LYST: variants seen among roughly 807,000 people sequenced by gnomAD.
The protein encoded by LYST is lysosomal-trafficking regulator.
A neutral mutation model predicts 413.6 loss-of-function variants in LYST; 192 were observed. The ratio of observed to expected loss-of-function variants is 0.46; its 90% CI spans 0.41 to 0.52. LYST has a LOEUF of 0.52. Among genes scored for constraint, LYST ranks in the 20% least tolerant of loss-of-function variants. LYST has a pLI of 0.00. For missense variants in LYST, 3,815 were observed against 4,499.9 expected, an observed-to-expected ratio of 0.85 and a Z score of 4.35; for synonymous variants, 1,525 against 1,567.3, an observed-to-expected ratio of 0.97 and a Z score of 0.64.
intron 4 of LYST, among the ~76,000 whole-genome samples, chr1:235,811,953 C>T (rs1285990868): frequency 1.3e-5 from 2 of 151,864 alleles, no homozygotes; most frequent in Non-Finnish European, 2.9e-5. Context: ...TAGATACCTC[C>T]TTAAAAAAAG....
At chr1:235,863,925 C>T (rs1391796206) in intron 1 of LYST, among the ~76,000 whole-genome samples, 1 of 152,192 alleles carries the variant, frequency 6.6e-6, no homozygotes, top group Non-Finnish European at 1.5e-5. Context: ...GCAAAGAACC[C>T]TGCTAAGTCT....
At chr1:235,802,806 G>A (rs1672392785) in intron 8 of LYST, 102 bp downstream of exon 8, 1 of 1,059,718 alleles carries the variant, frequency 9.4e-7, no homozygotes, top group East Asian at 2.5e-5. Flanking sequence ...TTGTTAAACT[G>A]TAAGGCAATA....
intron 38 of LYST, among the ~76,000 whole-genome samples, chr1:235,725,833 TGA>T: frequency 6.6e-6 from 1 of 152,276 alleles, no homozygotes. Flanking sequence ...TGAATCTGCT[TGA>T]GAGTATTAAT....
intron 45 of LYST, among the ~76,000 whole-genome samples, chr1:235,698,780 G>A (rs1661310680): frequency 1.3e-5 from 2 of 152,142 alleles, no homozygotes; most frequent in Non-Finnish European, 2.9e-5. Context: ...GGCTGAGGCA[G>A]GAGAATGGCA....
chr1:235,815,861 GGTGGCT>G (rs1360916276), intron 3 of LYST, among the ~76,000 whole-genome samples: 1 of 152,084 alleles, frequency 6.6e-6, no homozygotes, highest in Non-Finnish European at 1.5e-5. Context: ...GGCCGGGCGC[GGTGGCT>G]CACGCCTGTA....
At chr1:235,666,590 G>GCACACACACACA (rs1214218772) in intron 50 of LYST, among the ~76,000 whole-genome samples, 4 of 74,532 alleles carry the variant, frequency 5.4e-5, no homozygotes, top group Non-Finnish European at 9.3e-5. Context: ...AGACACACAT[G>GCACACACACACA]CACACACACA....
chr1:235,807,704 T>G (rs1673022375), intron 5 of LYST, among the ~76,000 whole-genome samples: 1 of 152,198 alleles, frequency 6.6e-6, no homozygotes, highest in South Asian at 2.1e-4. Flanking sequence ...ATAAAATTAT[T>G]TTTAAATGCA....
chr1:235,841,770 T>G (rs537038312), intron 1 of LYST, among the ~76,000 whole-genome samples: 1 of 152,074 alleles, frequency 6.6e-6, no homozygotes, highest in East Asian at 1.9e-4. Flanking sequence ...ATTGCAGATA[T>G]AGAAAACAGG....
intron 1 of LYST, among the ~76,000 whole-genome samples, chr1:235,839,322 T>C (rs1676938444): frequency 6.6e-6 from 1 of 151,256 alleles, no homozygotes; most frequent in Admixed American, 6.6e-5. Flanking sequence ...AGTGGCATGA[T>C]CTCAGCTCAC....
In LYST at chr1:235,773,987, A is replaced by G. The variant is rs756645604; in HGVS notation, c.5639T>C (p.Leu1880Pro). The change falls in exon 19 of 53, where the codon CTT (leucine) becomes CCT (proline). Residue 1880 changes from leucine (L) to proline (P), a missense_variant. By Grantham distance (98) the Leu-to-Pro change is moderately conservative. Coordinates refer to ENST00000389793, the MANE Select transcript of LYST (RefSeq NM_000081.4). ...ATCTTCACCACAGCATCCTTCAAGAAGGGTCTATAGAAAATTAGCATTAAT... is the reference window on the plus strand; with the variant it reads ...ATCTTCACCACAGCATCCTTCAAGAGGGGTCTATAGAAAATTAGCATTAAT... ...CIVGFYILKT[L>P]LEGCCGEDII... is the part of the protein sequence containing the mutation. The G allele has an allele frequency of 6.2e-7, 1 of 1,601,870 alleles. No homozygotes were observed. The highest frequency in any genetic ancestry group is 1.1e-5 in the South Asian group (1 of 90,792).
intron 31 of LYST, chr1:235,736,879 G>GA (rs1664870018): frequency 6.6e-6 from 1 of 152,038 alleles, no homozygotes; most frequent in Non-Finnish European, 1.5e-5. Flanking sequence ...CACAGAGAGG[G>GA]AAAAAATAAG....
intron 1 of LYST, among the ~76,000 whole-genome samples, chr1:235,851,834 C>A (rs543154979): frequency 1.8e-3 from 279 of 152,154 alleles, no homozygotes; most frequent in African/African-American, 6.4e-3. Context: ...AGATATGACA[C>A]TTAAAGTTCT....
At chr1:235,733,027 A>C (rs1245719623) in intron 34 of LYST, among the ~76,000 whole-genome samples, 1 of 152,110 alleles carries the variant, frequency 6.6e-6, no homozygotes, top group Non-Finnish European at 1.5e-5. Context: ...CTACTTTATA[A>C]ACTTTTCGAG....
chr1:235,725,544 C>G (rs1321510972), intron 38 of LYST, among the ~76,000 whole-genome samples: 1 of 152,172 alleles, frequency 6.6e-6, no homozygotes, highest in Non-Finnish European at 1.5e-5. Context: ...TCTGAGAATT[C>G]ATAACTGTGG....
chr1:235,863,034 T>A (rs1368017944), intron 1 of LYST, among the ~76,000 whole-genome samples: 1 of 152,042 alleles, frequency 6.6e-6, no homozygotes, highest in African/African-American at 2.4e-5. Flanking sequence ...AATGAGTCAT[T>A]TCCTTTGTAA....
intron 1 of LYST, among the ~76,000 whole-genome samples, chr1:235,847,515 C>G (rs1678019215): frequency 6.6e-6 from 1 of 152,148 alleles, no homozygotes; most frequent in Non-Finnish European, 1.5e-5. Context: ...ACAGAGGCAA[C>G]AAGGAGCATG....
At position 235,810,215 on chromosome 1, in the gene LYST, G is replaced by C. The variant is rs146354628; in HGVS notation, c.603C>G (p.Pro201=). 1.9e-6 allele frequency: 3 copies of C among 1,614,040 alleles called. No individual in the cohort carries two copies. The highest frequency in any genetic ancestry group is 2.7e-5 in the African/African-American group (2 of 75,002). The change falls in exon 5 of 53, where the codon CCC becomes CCG. Residue 201 remains proline (P), a synonymous_variant. Coordinates refer to ENST00000389793, the MANE Select transcript of LYST (RefSeq NM_000081.4). ...FLTSFPKQDH[P]KAKLDRLATK... Reference sequence around the variant, plus strand: ...TTGCTAAGCGGTCAAGTTTAGCTTTGGGGTGGTCTTGTTTAGGAAACGATG... The same window carrying C: ...TTGCTAAGCGGTCAAGTTTAGCTTTCGGGTGGTCTTGTTTAGGAAACGATG...
At position 235,809,109 on chromosome 1, in the gene LYST, C is replaced by A. The variant is rs1331109527; in HGVS notation, c.1709G>T (p.Cys570Phe). 1.2e-6 allele frequency: 2 copies of A among 1,614,140 alleles called. No individual in the cohort carries two copies. Among genetic ancestry groups the A allele is most frequent in the Non-Finnish European group, 1.7e-6 (2 of 1,180,004 alleles). The change falls in exon 5 of 53, where the codon TGT becomes TTT. Residue 570 changes from cysteine to phenylalanine, a missense_variant. Transcript: ENST00000389793. The surrounding 1 kb of genome is among the most constrained non-coding windows in gnomAD (Gnocchi z 4.0). Reference protein sequence around the residue: ...LLQQASLSSTCVQILSGVHNI... With the variant: ...LLQQASLSSTFVQILSGVHNI... The stretch of plus-strand genomic sequence containing the variant: ...ATGAACACCCGATAGGATCTGGACA[C>A]AAGTGCTGCTCAAGGAAGCCTGCTG...
intron 46 of LYST, among the ~76,000 whole-genome samples, chr1:235,695,296 G>T (rs957517148): frequency 6.6e-6 from 1 of 152,216 alleles, no homozygotes; most frequent in African/African-American, 2.4e-5. Context: ...TGCAAAGCAC[G>T]AAGTTAACTT....
Sources: gnomAD v4.1 joint callset for allele counts (sites outside exome capture counted in the v4.1 genomes callset) on GRCh38, gnomAD v4.1.1 for gene constraint, Gnocchi (gnomAD v3.1) non-coding constraint, MANE v1.5 for transcripts, NCBI Gene and HGNC (gene_info 2026-07-23, HGNC 2026-07-21) for gene names.